Variants in ABCA13 observed in about 807,000 individuals in gnomAD.
The protein encoded by ABCA13 is ATP binding cassette subfamily A member 13.
A neutral mutation model predicts 478.7 loss-of-function variants in ABCA13; 476 were observed. The observed-to-expected ratio is 0.99, with a 90% CI of 0.92 to 1.07. ABCA13 has a LOEUF of 1.07. Among genes scored for constraint, ABCA13 ranks in the 50% least tolerant of loss-of-function variants. ABCA13 has a pLI of 0.00. For synonymous variants in ABCA13, 2,252 were observed against 2,158.9 expected, an observed-to-expected ratio of 1.04 and a Z score of -1.20; for missense variants, 6,060 against 5,910.6, an observed-to-expected ratio of 1.03 and a Z score of -0.83.
intron 2 of ABCA13, among the ~76,000 whole-genome samples, chr7:48,193,921 C>CAATAGTGA (rs1797512769): frequency 4.7e-5 from 1 of 21,178 alleles, no homozygotes; most frequent in African/African-American, 1.8e-4. Flanking sequence ...AGTGATGATG[C>CAATAGTGA]TGACAATAAT....
chr7:48,482,410 C>T (rs555943320), intron 46 of ABCA13, among the ~76,000 whole-genome samples: 137 of 151,164 alleles, frequency 9.1e-4, no homozygotes, highest in African/African-American at 3.1e-3. Context: ...GAAATGGAGT[C>T]TTGCTCTGTT....
At chr7:48,182,866 C>T (rs1795873435) in intron 1 of ABCA13, among the ~76,000 whole-genome samples, 1 of 152,146 alleles carries the variant, frequency 6.6e-6, no homozygotes, top group African/African-American at 2.4e-5. Context: ...TATCTCTTAG[C>T]TTGGACTTGT....
At chr7:48,519,863 T>G (rs2130969852) in intron 52 of ABCA13, among the ~76,000 whole-genome samples, 178 bp from the exon 53 acceptor site, 1 of 152,292 alleles carries the variant, frequency 6.6e-6, no homozygotes, top group East Asian at 1.9e-4. Context: ...TAGATCTAAT[T>G]AATATCTCTA....
At position 48,587,134 on chromosome 7, in the gene ABCA13, T is replaced by A. The variant is rs368065768; in HGVS notation, c.14506-20T>A. 5.6e-6 allele frequency: 9 copies of A among 1,612,520 alleles called. No individual in the cohort carries two copies. The highest frequency in any genetic ancestry group is 1.3e-5 in the African/African-American group (1 of 74,884). On this transcript the variant is annotated intron_variant, in intron 56 of 61. Coordinates refer to ENST00000435803, the MANE Select transcript of ABCA13 (RefSeq NM_152701.5). ...ACTTTGGTGAATGCTGGTGTGCACA[T>A]GGACATGCCTCTCTTCCAGGTTGCT...
chr7:48,627,785 T>C (rs1483604390), intron 59 of ABCA13, among the ~76,000 whole-genome samples: 10 of 152,166 alleles, frequency 6.6e-5, no homozygotes, highest in Non-Finnish European at 1.2e-4. Flanking sequence ...GGTGAGGGCC[T>C]AGTGCTGCTG....
intron 51 of ABCA13, among the ~76,000 whole-genome samples, chr7:48,512,778 T>C (rs979218154): frequency 3.9e-5 from 6 of 152,162 alleles, no homozygotes; most frequent in Non-Finnish European, 7.3e-5. Context: ...AACTACCACA[T>C]TTTTCAAAGA....
Position 48,275,027 on chromosome 7 carries a change from C to G in ABCA13, c.5361C>G (p.Thr1787=). ...ATGGCATAACCATTTCAAATATCAC[C>G]AAGGAAGACTTCGCAATTGTGATAA... is the stretch of plus-strand genomic sequence containing the variant. ...LLHGITISNI[T]KEDFAIVIKI... is the part of the protein sequence containing the mutation. Residue 1787 remains threonine, a synonymous_variant, in exon 17 of 62, where the codon ACC becomes ACG. Transcript: ENST00000435803. The G allele has an allele frequency of 1.2e-6, 2 of 1,613,836 alleles. No homozygotes were observed. The highest frequency in any genetic ancestry group is 1.7e-6 in the Non-Finnish European group (2 of 1,179,830).
At chr7:48,467,445 C>T (rs1011774109) in intron 44 of ABCA13, among the ~76,000 whole-genome samples, 1 of 152,010 alleles carries the variant, frequency 6.6e-6, no homozygotes, top group Non-Finnish European at 1.5e-5. Flanking sequence ...ATTTTTTTAA[C>T]TTAAAAGACT....
intron 59 of ABCA13, among the ~76,000 whole-genome samples, chr7:48,634,951 G>A (rs1190718629): frequency 6.6e-6 from 1 of 151,942 alleles, no homozygotes; most frequent in Non-Finnish European, 1.5e-5. Context: ...CAATATCATG[G>A]GCATAAATTG....
intron 15 of ABCA13, among the ~76,000 whole-genome samples, chr7:48,253,680 C>T (rs532449449): frequency 2.4e-4 from 37 of 152,222 alleles, no homozygotes; most frequent in Non-Finnish European, 4.7e-4. Flanking sequence ...AGTGGGGTTT[C>T]GCCATGTTGC....
chr7:48,312,178 C>G (rs952224063), intron 24 of ABCA13, among the ~76,000 whole-genome samples: 3 of 152,192 alleles, frequency 2.0e-5, no homozygotes, highest in Non-Finnish European at 2.9e-5. Flanking sequence ...AGCTAAAACA[C>G]TAATGAGCAA....
At chr7:48,197,310 A>G (rs1285546166) in intron 2 of ABCA13, among the ~76,000 whole-genome samples, 1 of 152,172 alleles carries the variant, frequency 6.6e-6, no homozygotes, top group Non-Finnish European at 1.5e-5. Flanking sequence ...GAGACCTGGG[A>G]AAGTGCTCCA....
chr7:48,581,847 A>C (rs1788739471), intron 56 of ABCA13, among the ~76,000 whole-genome samples: 1 of 152,194 alleles, frequency 6.6e-6, no homozygotes, highest in Admixed American at 6.5e-5. Context: ...ATCTGTTTCC[A>C]AAGGAGTTAG....
intron 55 of ABCA13, among the ~76,000 whole-genome samples, chr7:48,573,607 A>C (rs1182381000): frequency 6.6e-6 from 1 of 152,120 alleles, no homozygotes; most frequent in Non-Finnish European, 1.5e-5. Flanking sequence ...GATGGTGCAT[A>C]TATGTAGTCT....
At chr7:48,200,812 C>T (rs953663323) in intron 3 of ABCA13, among the ~76,000 whole-genome samples, 2 of 152,140 alleles carry the variant, frequency 1.3e-5, no homozygotes, top group Non-Finnish European at 2.9e-5. Context: ...AGTTCAAGCC[C>T]ATAAATAAAG....
rs1452290920 is a variant in ABCA13 at position 48,279,671 on chromosome 7, G to T, written c.8477G>T (p.Trp2826Leu). Residue 2826 changes from tryptophan (W) to leucine (L), a missense_variant, in exon 18 of 62, where the codon TGG becomes TTG. Physicochemically the swap from Trp to Leu is moderately conservative, Grantham distance 61 (BLOSUM62 -2). Around this residue, in one of 3 missense-constraint regions of ABCA13, gnomAD observed 4,423 missense variants for 4,309.1 expected, o/e 1.03. Coordinates refer to ENST00000435803, the MANE Select transcript of ABCA13 (RefSeq NM_152701.5). ...IHNVLSRIAL[W>L]RKGLLFNNSE... The stretch of plus-strand genomic sequence containing the variant: ...AATGTTTTAAGTAGAATAGCTCTCT[G>T]GAGGAAAGGACTTCTGTTTAACAAC... 6.2e-7 allele frequency: 1 copy of T among 1,613,550 alleles called. No individual in the cohort carries two copies. Among genetic ancestry groups the T allele is most frequent in the South Asian group, 1.1e-5 (1 of 90,992 alleles).
chr7:48,631,983 A>T (rs1019747178), intron 59 of ABCA13, among the ~76,000 whole-genome samples: 7 of 152,128 alleles, frequency 4.6e-5, no homozygotes, highest in African/African-American at 1.2e-4. Flanking sequence ...TTGTTAGTGT[A>T]TAGCAGTGCT....
intron 59 of ABCA13, among the ~76,000 whole-genome samples, chr7:48,636,427 C>T (rs1261748279): frequency 6.6e-6 from 1 of 152,178 alleles, no homozygotes; most frequent in East Asian, 1.9e-4. Context: ...TTTCATAACT[C>T]AGCTGTCACT....
chr7:48,410,973 TTTTCTCTTTC>T (rs1199614657), intron 40 of ABCA13, among the ~76,000 whole-genome samples: 26 of 150,116 alleles, frequency 1.7e-4, no homozygotes, highest in Middle Eastern at 3.4e-3. Context: ...CTAGAAATTC[TTTTCTCTTTC>T]TTTCTTTCTT....
Sources: gnomAD v4.1 joint callset for allele counts (sites outside exome capture counted in the v4.1 genomes callset) on GRCh38, gnomAD v4.1.1 for gene constraint, gnomAD v4.1.1 regional missense constraint, MANE v1.5 for transcripts, NCBI Gene and HGNC (gene_info 2026-07-23, HGNC 2026-07-21) for gene names.